ECE1: variants seen among roughly 807,000 people sequenced by gnomAD.
ECE1 encodes endothelin converting enzyme 1, also known as endothelin-converting enzyme 1.
In ECE1, 35 loss-of-function variants were observed where a neutral mutation model predicts 98.6. That is an observed-to-expected ratio of 0.35 (90% CI 0.27 to 0.47). The LOEUF (loss-of-function observed/expected upper bound fraction) is 0.47. Ranked by LOEUF, ECE1 falls within the 20% of genes least tolerant of loss-of-function variation. ECE1 has a pLI of 1.00. For synonymous variants in ECE1, 394 were observed against 407.1 expected, an observed-to-expected ratio of 0.97 and a Z score of 0.39; for missense variants, 814 against 1,025.3, an observed-to-expected ratio of 0.79 and a Z score of 2.81.
Position 21,225,858 on chromosome 1 carries a change from T to C in ECE1, c.1850-418A>G, listed in dbSNP as rs933711778. Among the ~76,000 whole-genome samples the C allele has an allele frequency of 2.0e-5, 3 of 151,470 alleles. No homozygotes were observed. Among genetic ancestry groups the C allele is most frequent in the African/African-American group, 7.3e-5 (3 of 41,132 alleles). On this transcript the variant is annotated intron_variant, in intron 16 of 18. Transcript: ENST00000374893. This position sits in a 1 kb window ranked among gnomAD's most constrained non-coding sequence, Gnocchi z 5.3. ...GGCACATGCCGCCATGCCTAGCTGA[T>C]TTCTGTTTTTTTTTTTAGTAGAGAT...
At chr1:21,330,178 C>T (rs1374998789) in intron 1 of ECE1, among the ~76,000 whole-genome samples, 1 of 141,778 alleles carries the variant, frequency 7.1e-6, no homozygotes, top group African/African-American at 2.7e-5. Context: ...CTCCCAGGTC[C>T]TATTCCTCTG....
chr1:21,263,326 C>T (rs2098229450), intron 4 of ECE1, among the ~76,000 whole-genome samples: 1 of 151,724 alleles, frequency 6.6e-6, no homozygotes, highest in Non-Finnish European at 1.5e-5. Context: ...GTGATGAGGC[C>T]GGATGCCCAC....
intron 1 of ECE1, among the ~76,000 whole-genome samples, chr1:21,300,659 C>G (rs1429492196): frequency 2.0e-5 from 3 of 152,202 alleles, no homozygotes; most frequent in Admixed American, 2.0e-4. Flanking sequence ...TGGTCTCAAA[C>G]TCCTGACCTC....
intron 10 of ECE1, among the ~76,000 whole-genome samples, chr1:21,243,400 TA>T (rs10596193): frequency 0.069 from 9,766 of 142,566 alleles, 996 homozygotes; most frequent in African/African-American, 0.23. Flanking sequence ...ATAAATATAT[TA>T]AAAAAAAAAA....
At chr1:21,224,612 G>A (rs987894420) in intron 17 of ECE1, among the ~76,000 whole-genome samples, 16 of 152,162 alleles carry the variant, frequency 1.1e-4, no homozygotes, top group South Asian at 6.2e-4. Context: ...TCTTACTGCC[G>A]TGGTTGGGAG....
intron 4 of ECE1, among the ~76,000 whole-genome samples, chr1:21,268,183 G>C (rs562613640): frequency 1.3e-5 from 2 of 152,314 alleles, no homozygotes; most frequent in South Asian, 4.2e-4. Flanking sequence ...GGCTTTGGAG[G>C]GGGTGGTGTA....
In ECE1 at chr1:21,219,700, C is replaced by A. The variant is rs1322870349; in HGVS notation, c.*255G>T. Reference sequence around the variant, plus strand: ...CAGTGTGGGGCCCAGGCCTGATGAGCCACCAGCCCAGCACCCGAATGCCTG... The same window carrying A: ...CAGTGTGGGGCCCAGGCCTGATGAGACACCAGCCCAGCACCCGAATGCCTG... On this transcript the variant is annotated 3_prime_UTR_variant, in exon 19 of 19. Coordinates refer to ENST00000374893, the MANE Select transcript of ECE1 (RefSeq NM_001397.3). The surrounding 1 kb of genome is among the most constrained non-coding windows in gnomAD (Gnocchi z 4.5). 2 of 544,652 alleles carry A rather than the reference C, an allele frequency of 3.7e-6. No individual in the cohort carries two copies. The highest frequency in any genetic ancestry group is 6.7e-6 in the Non-Finnish European group (2 of 300,628). 33.7% of individuals were successfully genotyped at this position (544,652 alleles called of 1,614,324 possible).
chr1:21,298,014 A>G (rs1241369095), intron 1 of ECE1: 1 of 151,584 alleles, frequency 6.6e-6, no homozygotes, highest in Non-Finnish European at 1.5e-5. Context: ...AATTTTAAAC[A>G]TTTTTTTTGT....
In ECE1 at chr1:21,225,408, G is replaced by T. The variant is rs1226812178; in HGVS notation, c.1882C>A (p.Pro628Thr). Residue 628 changes from proline to threonine, a missense_variant, in exon 17 of 19, where the codon CCA becomes ACA. Around this residue, in one of 3 missense-constraint regions of ECE1, gnomAD observed 452 missense variants for 567.3 expected, o/e 0.80. Coordinates refer to ENST00000374893, the MANE Select transcript of ECE1 (RefSeq NM_001397.3). This position sits in a 1 kb window ranked among gnomAD's most constrained non-coding sequence, Gnocchi z 5.3. ...REYDKDGNLR[P>T]WWKNSSVEAF... ...TCCACGGATGAGTTCTTCCACCATGGCCGGAGGTTCCCGTCCTTGTCATAC... is the reference window on the plus strand; with the variant it reads ...TCCACGGATGAGTTCTTCCACCATGTCCGGAGGTTCCCGTCCTTGTCATAC... 1 of 1,614,048 alleles carries T rather than the reference G, an allele frequency of 6.2e-7. No individual in the cohort carries two copies. The highest frequency in any genetic ancestry group is 1.3e-5 in the African/African-American group (1 of 74,946).
At position 21,260,672 on chromosome 1, in the gene ECE1, C is replaced by T. The variant is rs960565886; in HGVS notation, c.494-280G>A. Among the ~76,000 whole-genome samples, 2 of 152,194 alleles carry T rather than the reference C, an allele frequency of 1.3e-5. No individual in the cohort carries two copies. The highest frequency in any genetic ancestry group is 2.1e-4 in the South Asian group (1 of 4,832). On this transcript the variant is annotated intron_variant, in intron 4 of 18. Coordinates refer to ENST00000374893, the MANE Select transcript of ECE1 (RefSeq NM_001397.3). This position sits in a 1 kb window ranked among gnomAD's most constrained non-coding sequence, Gnocchi z 4.3. Reference sequence around the variant, plus strand: ...CCAGTTGGGTTCACAGACGTGTCCCCGGGTTGACCGCACGTGCCCACCAGC... The same window carrying T: ...CCAGTTGGGTTCACAGACGTGTCCCTGGGTTGACCGCACGTGCCCACCAGC...
chr1:21,309,109 C>T (rs1166500612), intron 1 of ECE1, among the ~76,000 whole-genome samples: 1 of 152,252 alleles, frequency 6.6e-6, no homozygotes, highest in Non-Finnish European at 1.5e-5. Flanking sequence ...TTCCCTCTCT[C>T]CTTTCCCCTC....
At chr1:21,328,502 CT>C (rs2103409765) in intron 1 of ECE1, among the ~76,000 whole-genome samples, 1 of 152,320 alleles carries the variant, frequency 6.6e-6, no homozygotes, top group South Asian at 2.1e-4. Flanking sequence ...TGGCTCACGC[CT>C]GTAATCCCAG....
chr1:21,311,389 C>T lies in ECE1; in HGVS notation c.4-21233G>A, dbSNP rs186581283. Among the ~76,000 whole-genome samples, 167 of 151,706 alleles carry T rather than the reference C, an allele frequency of 1.1e-3. 4 individuals are homozygous for T. Among genetic ancestry groups the T allele is most frequent in the East Asian group, 1.9e-4 (1 of 5,148 alleles). On this transcript the variant is annotated intron_variant, in intron 1 of 18. Coordinates refer to the ECE1 transcript ENST00000415912. ...CCAGGGCAAGTGAGAAAAGAGCATG[C>T]GGGCCGGGCATGGGGGTTCACGCCT...
Position 21,219,850 on chromosome 1 carries a change from A to C in ECE1, c.*105T>G. ...TGAAAACCCGCCAGTGTGAGGAAGC[A>C]GGGCCCCGGGTGGCCAAGCGGGCTG... On this transcript the variant is annotated 3_prime_UTR_variant, in exon 19 of 19. Coordinates refer to ENST00000374893, the MANE Select transcript of ECE1 (RefSeq NM_001397.3). The surrounding 1 kb of genome is among the most constrained non-coding windows in gnomAD (Gnocchi z 4.5). The C allele has an allele frequency of 4.1e-6, 6 of 1,452,260 alleles. No individual in the cohort carries two copies. The highest frequency in any genetic ancestry group is 5.7e-6 in the Non-Finnish European group (6 of 1,053,536). The allele number at this position is 1,452,260 out of a possible 1,614,324, so 90.0% of individuals were successfully genotyped here.
chr1:21,263,221 T>C (rs75379606), intron 4 of ECE1, among the ~76,000 whole-genome samples: 4 of 152,116 alleles, frequency 2.6e-5, no homozygotes, highest in African/African-American at 9.7e-5. Flanking sequence ...CAGCCCTGGA[T>C]AGGGACCTAG....
chr1:21,325,527 C>G (rs1414851557), intron 1 of ECE1, among the ~76,000 whole-genome samples: 2 of 152,246 alleles, frequency 1.3e-5, no homozygotes, highest in Non-Finnish European at 2.9e-5. Context: ...TTTTCAGCCA[C>G]AAGCAAAACA....
At chr1:21,240,360 A>C (rs71636968) in intron 10 of ECE1, among the ~76,000 whole-genome samples, 3,908 of 149,648 alleles carry the variant, frequency 0.026, 84 homozygotes, top group Non-Finnish European at 0.035. Context: ...GGTGGTAGGC[A>C]CCTGTAACCC....
At chr1:21,223,203 G>A (rs1346945781) in intron 17 of ECE1, among the ~76,000 whole-genome samples, 3 of 151,720 alleles carry the variant, frequency 2.0e-5, no homozygotes, top group Non-Finnish European at 4.4e-5. Context: ...TCTTGAAGTC[G>A]AGCTTGTGAT....
At chr1:21,254,848 T>A (rs1229747555) in intron 8 of ECE1, among the ~76,000 whole-genome samples, 5 of 152,078 alleles carry the variant, frequency 3.3e-5, no homozygotes, top group Non-Finnish European at 7.4e-5. Flanking sequence ...GAGGCCAGGC[T>A]CCCCTGACCC....
Sources: allele counts gnomAD v4.1 joint callset (sites outside exome capture counted in the v4.1 genomes callset), GRCh38; gene constraint gnomAD v4.1.1; regional missense constraint gnomAD v4.1.1; non-coding constraint Gnocchi (gnomAD v3.1); transcripts MANE v1.5; gene names NCBI Gene and HGNC (gene_info 2026-07-23, HGNC 2026-07-21).